ADAM19: variants seen among roughly 807,000 people sequenced by gnomAD.
ADAM19 encodes the protein ADAM metallopeptidase domain 19.
Under a neutral mutation model 114.7 loss-of-function variants are expected in ADAM19, and 65 were observed. The observed-to-expected ratio is 0.57, with a 90% CI of 0.46 to 0.70. The LOEUF (loss-of-function observed/expected upper bound fraction) is 0.70, where lower values mean the gene tolerates loss of function less well. Among genes scored for constraint, ADAM19 ranks in the 30% least tolerant of loss-of-function variants. The pLI is 0.00. For synonymous variants in ADAM19, 466 were observed against 460.5 expected (o/e 1.01, Z -0.15); for missense variants, 1,063 against 1,204.7 (o/e 0.88, Z 1.74).
chr5:157,480,965 A>C lies in ADAM19; in HGVS notation c.2741T>G (p.Ile914Ser). Residue 914 changes from isoleucine to serine, a missense_variant, in exon 23 of 23, where the codon ATT (isoleucine) becomes AGT (serine). By Grantham distance (142) the Ile-to-Ser change is moderately radical. Transcript: ENST00000257527. Reference protein sequence around the residue: ...EYRSQRAGGMISSKI With the variant: ...EYRSQRAGGMSSSKI The stretch of plus-strand genomic sequence containing the variant: ...TGGACAGGTCTAGATTTTCGAGCTA[A>C]TCATCCCTCCAGCCCTCTGTGATCT... 1.2e-6 allele frequency: 2 copies of C among 1,614,166 alleles called. No individual in the cohort carries two copies. The highest frequency in any genetic ancestry group is 1.7e-6 in the Non-Finnish European group (2 of 1,180,026).
At chr5:157,551,906 C>A (rs1418014468) in intron 3 of ADAM19, among the ~76,000 whole-genome samples, 3 of 152,144 alleles carry the variant, frequency 2.0e-5, no homozygotes, top group East Asian at 1.9e-4. Flanking sequence ...GTAATCCCAG[C>A]ACTTTGGGAT....
Position 157,519,937 on chromosome 5 carries a change from T to C in ADAM19, c.502A>G (p.Lys168Glu). ...AACCCACAGTTTCCCGGGGGCGGCT[T>C]GAGATGTTCAGATCTGTAAATAAGG... ...QHLIYRSEHL[K>E]PPPGNCGFEH... The change falls in exon 6 of 23, where the codon AAG (lysine) becomes GAG (glutamate). Residue 168 changes from lysine to glutamate, a missense_variant. Physicochemically the swap from Lys to Glu is moderately conservative, Grantham distance 56. Coordinates refer to ENST00000257527, the MANE Select transcript of ADAM19 (RefSeq NM_033274.5). 1 of 1,613,080 alleles carries C rather than the reference T, an allele frequency of 6.2e-7. No individual in the cohort carries two copies. Among genetic ancestry groups the C allele is most frequent in the Non-Finnish European group, 8.5e-7 (1 of 1,179,126 alleles).
chr5:157,499,313 A>G (rs1173344707), intron 13 of ADAM19, among the ~76,000 whole-genome samples: 1 of 152,100 alleles, frequency 6.6e-6, no homozygotes, highest in African/African-American at 2.4e-5. Flanking sequence ...CTCTCTCTGG[A>G]TACTTCTTTA....
intron 7 of ADAM19, among the ~76,000 whole-genome samples, chr5:157,516,158 G>A (rs1392625159): frequency 6.6e-6 from 1 of 152,174 alleles, no homozygotes. Flanking sequence ...CAGGTGGAGA[G>A]GGGATGATTC....
At chr5:157,542,977 A>C (rs1237084267) in intron 3 of ADAM19, among the ~76,000 whole-genome samples, 1 of 152,232 alleles carries the variant, frequency 6.6e-6, no homozygotes, top group Non-Finnish European at 1.5e-5. Flanking sequence ...TAACTTGTAA[A>C]AACTTAATAA....
At position 157,537,990 on chromosome 5, in the gene ADAM19, G is replaced by C. The variant is rs1373741517; in HGVS notation, c.253C>G (p.Gln85Glu). Residue 85 changes from glutamine to glutamate, a missense_variant and splice_region_variant, in exon 4 of 23, where the codon CAA becomes GAA. Gln to Glu is a conservative substitution (Grantham distance 29). Coordinates refer to ENST00000257527, the MANE Select transcript of ADAM19 (RefSeq NM_033274.5). ...TCTGTGTAGGAAGGAGCAAAAAGTTGCCTGCAAAAAATAAAAAGAGACATT... is the reference window on the plus strand; with the variant it reads ...TCTGTGTAGGAAGGAGCAAAAAGTTCCCTGCAAAAAATAAAAAGAGACATT... ...ELILDLEKNE[Q>E]LFAPSYTETH... The C allele has an allele frequency of 2.5e-6, 4 of 1,613,324 alleles. No individual in the cohort carries two copies. Among genetic ancestry groups the C allele is most frequent in the Non-Finnish European group, 3.4e-6 (4 of 1,179,476 alleles).
intron 5 of ADAM19, among the ~76,000 whole-genome samples, chr5:157,525,576 C>T (rs568940570): frequency 2.0e-5 from 3 of 152,172 alleles, no homozygotes; most frequent in Admixed American, 1.3e-4. Flanking sequence ...CTCACCCCCA[C>T]TGACCACCCA....
chr5:157,480,887 G>C lies in ADAM19; in HGVS notation c.*62C>G. On this transcript the variant is annotated 3_prime_UTR_variant, in exon 23 of 23. Transcript: ENST00000257527. ...CAGACATGCTTCTTCAGGGTTCCAT[G>C]GCCATGGGTCCTCTGCAGTGTCCAG... 6.2e-7 allele frequency: 1 copy of C among 1,611,370 alleles called. No homozygotes were observed. The highest frequency in any genetic ancestry group is 1.1e-5 in the South Asian group (1 of 90,588).
intron 9 of ADAM19, 40 bp downstream of exon 9, chr5:157,509,261 C>A: frequency 6.5e-7 from 1 of 1,546,610 alleles, no homozygotes; most frequent in East Asian, 2.3e-5. Flanking sequence ...AGAGGCTTTG[C>A]AGCCAAGGAC....
At position 157,490,363 on chromosome 5, in the gene ADAM19, T is replaced by C. The variant is rs760945734; in HGVS notation, c.2187A>G (p.Lys729=). ...GAGCTGAGGGCTTGAGTTGGCCTAG[T>C]TTGTTGTTCTGTCTGCAGCAGTAGT... ...LMYYCCRQNN[K]LGQLKPSALP... is the part of the protein sequence containing the mutation. The change falls in exon 19 of 23, where the codon AAA becomes AAG. Residue 729 remains lysine, a synonymous_variant. Transcript: ENST00000257527. The C allele has an allele frequency of 3.7e-6, 6 of 1,613,984 alleles. No individual in the cohort carries two copies. Among genetic ancestry groups the C allele is most frequent in the Non-Finnish European group, 5.1e-6 (6 of 1,180,030 alleles).
At chr5:157,541,699 TC>T (rs141128351) in intron 3 of ADAM19, among the ~76,000 whole-genome samples, 10,139 of 152,234 alleles carry the variant, frequency 0.067, 461 homozygotes, top group South Asian at 0.19. Context: ...CTCAGACCCG[TC>T]TTTCCTAAGG....
chr5:157,530,765 G>A, intron 5 of ADAM19, 42 bp downstream of exon 5: 1 of 1,542,264 alleles, frequency 6.5e-7, no homozygotes, highest in Non-Finnish European at 9.0e-7. Context: ...TCCATTCCTG[G>A]GGAGAGTGCC....
At chr5:157,572,796 T>C (rs543088631) in intron 1 of ADAM19, among the ~76,000 whole-genome samples, 1 of 152,296 alleles carries the variant, frequency 6.6e-6, no homozygotes, top group South Asian at 2.1e-4. Flanking sequence ...CAACCTGTAA[T>C]CTCAGCACTT....
At chr5:157,564,244 G>C in intron 3 of ADAM19, 129 bp downstream of exon 3, 1 of 820,516 alleles carries the variant, frequency 1.2e-6, no homozygotes, top group African/African-American at 1.7e-5. Context: ...GATGCTGCCT[G>C]AAAGAAACCA....
At chr5:157,496,286 A>C (rs1755362007) in intron 14 of ADAM19, among the ~76,000 whole-genome samples, 1 of 152,182 alleles carries the variant, frequency 6.6e-6, no homozygotes. Flanking sequence ...TACCAGAATT[A>C]ATTTAATTGG....
chr5:157,502,730 G>A (rs1363528755), intron 12 of ADAM19, 73 bp downstream of exon 12: 7 of 1,526,976 alleles, frequency 4.6e-6, no homozygotes, highest in African/African-American at 1.4e-5. Flanking sequence ...TTTCAATTGT[G>A]TTCTCTTTGA....
At chr5:157,510,192 C>T (rs915527551) in intron 8 of ADAM19, among the ~76,000 whole-genome samples, 2 of 152,212 alleles carry the variant, frequency 1.3e-5, no homozygotes, top group African/African-American at 2.4e-5. Flanking sequence ...AAGCCATCAC[C>T]AGCCAAGCGT....
intron 3 of ADAM19, 53 bp downstream of exon 3, chr5:157,564,320 C>G: frequency 6.6e-7 from 1 of 1,525,748 alleles, no homozygotes; most frequent in Middle Eastern, 1.7e-4. Flanking sequence ...CTGCGTCCGG[C>G]GTTGACACAG....
intron 1 of ADAM19, among the ~76,000 whole-genome samples, chr5:157,573,660 A>G (rs1757891740): frequency 1.3e-5 from 2 of 152,062 alleles, no homozygotes; most frequent in East Asian, 3.9e-4. Context: ...GCAGGAGAAT[A>G]GCTTGAACCC....
Sources: allele counts gnomAD v4.1 joint callset (sites outside exome capture counted in the v4.1 genomes callset), GRCh38; gene constraint gnomAD v4.1.1; transcripts MANE v1.5; gene names NCBI Gene and HGNC (gene_info 2026-07-23, HGNC 2026-07-21).